ARHGDIB: variants seen among roughly 807,000 people sequenced by gnomAD.
ARHGDIB encodes the protein rho GDP-dissociation inhibitor 2.
Under a neutral mutation model 22.6 loss-of-function variants are expected in ARHGDIB, and 20 were observed. The observed-to-expected ratio is 0.88, with a 90% CI of 0.62 to 1.28. The LOEUF (loss-of-function observed/expected upper bound fraction) is 1.28. ARHGDIB is among the 50% of genes most tolerant of loss of function. The pLI is 0.00. For synonymous variants in ARHGDIB, 114 were observed against 96.1 expected, an observed-to-expected ratio of 1.19 and a Z score of -1.09; for missense variants, 254 against 245.4, an observed-to-expected ratio of 1.04 and a Z score of -0.23.
At chr12:14,957,110 AC>A (rs1261536753) in intron 1 of ARHGDIB, among the ~76,000 whole-genome samples, 1 of 152,204 alleles carries the variant, frequency 6.6e-6, no homozygotes, top group Non-Finnish European at 1.5e-5. Flanking sequence ...GTCTCATAGA[AC>A]ATAGATTGAG....
intron 4 of ARHGDIB, among the ~76,000 whole-genome samples, chr12:14,947,467 C>G (rs1391789784): frequency 6.6e-6 from 1 of 152,176 alleles, no homozygotes; most frequent in Non-Finnish European, 1.5e-5. Flanking sequence ...AATATATATT[C>G]ATGAACTATA....
intron 1 of ARHGDIB, among the ~76,000 whole-genome samples, chr12:14,960,782 C>G (rs187492205): frequency 6.6e-6 from 1 of 152,206 alleles, no homozygotes; most frequent in Non-Finnish European, 1.5e-5. Context: ...GGATTGCAGG[C>G]GTGAGCCACC....
At chr12:14,945,179 C>A (rs1863982502) in intron 4 of ARHGDIB, among the ~76,000 whole-genome samples, 1 of 152,168 alleles carries the variant, frequency 6.6e-6, no homozygotes, top group Non-Finnish European at 1.5e-5. Flanking sequence ...CTTTCCCTCT[C>A]CAATACTGCT....
chr12:14,953,518 T>G (rs1864228307), intron 1 of ARHGDIB, among the ~76,000 whole-genome samples: 1 of 152,168 alleles, frequency 6.6e-6, no homozygotes, highest in African/African-American at 2.4e-5. Flanking sequence ...GGCTGGAAGT[T>G]GGGCAATCTA....
At chr12:14,960,000 T>A (rs1861697) in intron 1 of ARHGDIB, among the ~76,000 whole-genome samples, 1 of 152,218 alleles carries the variant, frequency 6.6e-6, no homozygotes, top group African/African-American at 2.4e-5. Flanking sequence ...TCACGATGCC[T>A]GCTAGGGACT....
chr12:14,942,981 G>A (rs1004180165), intron 5 of ARHGDIB, among the ~76,000 whole-genome samples: 11 of 151,990 alleles, frequency 7.2e-5, no homozygotes, highest in African/African-American at 2.7e-4. Context: ...TGATTCTCCT[G>A]CCTCAACCTC....
rs1863976230 is a variant in ARHGDIB, at chr12:14,944,939, GA to G, written c.343-101del. On this transcript the variant is annotated intron_variant, in intron 4 of 5. Coordinates refer to ENST00000228945, the MANE Select transcript of ARHGDIB (RefSeq NM_001175.7). ...GCCTAGCTGAATCGTCTCTGACAAT[GA>G]AAAAACTAAAGATTTAGTTCAGAAT... 4.2e-6 allele frequency: 4 copies of G among 951,532 alleles called. No homozygotes were observed. The Admixed American group carries it at 8.0e-5, about 19-fold the overall frequency. The allele number at this position is 951,532 out of a possible 1,614,324, so 58.9% of individuals were successfully genotyped here. A position where few individuals can be genotyped will look rare whatever the true frequency, so the allele number is the denominator to read the frequency against.
At chr12:14,952,755 G>C (rs1431212402) in intron 1 of ARHGDIB, among the ~76,000 whole-genome samples, 3 of 152,168 alleles carry the variant, frequency 2.0e-5, no homozygotes, top group Non-Finnish European at 4.4e-5. Flanking sequence ...CCTGCTGACC[G>C]AGCATCGGAA....
At chr12:14,957,587 T>A (rs1279710768) in intron 1 of ARHGDIB, among the ~76,000 whole-genome samples, 3 of 152,172 alleles carry the variant, frequency 2.0e-5, no homozygotes, top group African/African-American at 7.2e-5. Context: ...ACAATTTAAT[T>A]TTAGGTTTTA....
chr12:14,949,165 A>G (rs1864104883), intron 3 of ARHGDIB, among the ~76,000 whole-genome samples: 1 of 151,718 alleles, frequency 6.6e-6, no homozygotes, highest in South Asian at 2.1e-4. Flanking sequence ...CTCCTCTCAT[A>G]TCCCCTCTGA....
At chr12:14,943,750 A>C (rs1592284807) in intron 5 of ARHGDIB, among the ~76,000 whole-genome samples, 2 of 152,178 alleles carry the variant, frequency 1.3e-5, no homozygotes, top group African/African-American at 4.8e-5. Flanking sequence ...TGGAATATAT[A>C]TTAAGAATAG....
At chr12:14,952,410 T>A (rs1864198971) in intron 1 of ARHGDIB, among the ~76,000 whole-genome samples, 1 of 152,114 alleles carries the variant, frequency 6.6e-6, no homozygotes, top group Non-Finnish European at 1.5e-5. Context: ...ATGCCCAGGT[T>A]CACTTCCTGT....
Position 14,942,394 on chromosome 12 carries a change from T to A in ARHGDIB, c.*128A>T. 2 of 1,019,456 alleles carry A rather than the reference T, an allele frequency of 2.0e-6. No individual in the cohort carries two copies. Among genetic ancestry groups the A allele is most frequent in the Non-Finnish European group, 1.5e-6 (1 of 677,884 alleles). 63.2% of individuals were successfully genotyped at this position (1,019,456 alleles called of 1,614,324 possible). On this transcript the variant is annotated 3_prime_UTR_variant, in exon 6 of 6. Coordinates refer to ENST00000228945, the MANE Select transcript of ARHGDIB (RefSeq NM_001175.7). ...CGTTGAGTGACAGGGTGGGAAAAGA[T>A]GCATCAATAAGGAAATGTGGCAGTG...
At chr12:14,947,735 A>G in intron 4 of ARHGDIB, 138 bp downstream of exon 4, 1 of 708,800 alleles carries the variant, frequency 1.4e-6, no homozygotes, top group Non-Finnish European at 2.4e-6. Context: ...GGCTGGGAAG[A>G]GGACATTCCA....
chr12:14,951,420 T>G (rs1864173865), intron 1 of ARHGDIB, among the ~76,000 whole-genome samples: 1 of 152,220 alleles, frequency 6.6e-6, no homozygotes, highest in South Asian at 2.1e-4. Context: ...TTTATACAAT[T>G]TCCTTGATTG....
At position 14,950,628 on chromosome 12, in the gene ARHGDIB, G is replaced by C. The variant is rs1360034493; in HGVS notation, c.85C>G (p.Gln29Glu). 3 of 1,614,026 alleles carry C rather than the reference G, an allele frequency of 1.9e-6. No homozygotes were observed. In the Admixed American group the frequency reaches 5.0e-5, roughly 27 times the overall value. The change falls in exon 2 of 6, where the codon CAG (glutamine) becomes GAG (glutamate). Residue 29 changes from glutamine to glutamate, a missense_variant. Transcript: ENST00000228945. The stretch of plus-strand genomic sequence containing the variant: ...TCCTGCAGCTCTTTCAGGGACTTCT[G>C]TGGTGGAGGCTTATAATTGAGCTTG... ...DSKLNYKPPP[Q>E]KSLKELQEMD... is the part of the protein sequence containing the mutation.
At chr12:14,955,148 T>C (rs1416016110) in intron 1 of ARHGDIB, among the ~76,000 whole-genome samples, 1 of 152,184 alleles carries the variant, frequency 6.6e-6, no homozygotes, top group African/African-American at 2.4e-5. Flanking sequence ...TACTGAACAC[T>C]TGTGAGCCAA....
chr12:14,949,754 T>C (rs748381519), intron 3 of ARHGDIB, 48 bp downstream of exon 3: 2 of 1,575,616 alleles, frequency 1.3e-6, no homozygotes, highest in Non-Finnish European at 8.7e-7. Context: ...CAAGTTTTCT[T>C]TGTGATATCT....
chr12:14,952,602 C>G (rs58231089), intron 1 of ARHGDIB, among the ~76,000 whole-genome samples: 47 of 152,214 alleles, frequency 3.1e-4, no homozygotes, highest in Admixed American at 2.5e-3. Flanking sequence ...AAGGAGGCAG[C>G]GTGTAGATGT....
Sources: gnomAD v4.1 joint callset for allele counts (sites outside exome capture counted in the v4.1 genomes callset) on GRCh38, gnomAD v4.1.1 for gene constraint, MANE v1.5 for transcripts, NCBI Gene and HGNC (gene_info 2026-07-23, HGNC 2026-07-21) for gene names.